PAX4: variants seen among roughly 807,000 people sequenced by gnomAD.
The protein encoded by PAX4 is paired box protein Pax-4.
PAX4 carries 33 observed loss-of-function variants against 40.6 expected under a neutral mutation model. That is an observed-to-expected ratio of 0.81 (90% confidence interval 0.62 to 1.09). The LOEUF is 1.09. Ranked by LOEUF, PAX4 falls within the 50% of genes least tolerant of loss-of-function variation. The probability of loss-of-function intolerance (pLI) is 0.00; values close to 1 mark genes in which losing one functional copy is unlikely to be tolerated. For missense variants in PAX4, 459 were observed against 442.5 expected (o/e 1.04, Z -0.33); for synonymous variants, 174 against 170.6 (o/e 1.02, Z -0.16).
intron 4 of PAX4, 48 bp from the exon 5 acceptor site, chr7:127,615,143 G>C: frequency 6.2e-7 from 1 of 1,613,672 alleles, no homozygotes; most frequent in African/African-American, 1.3e-5. Context: ...TGGGCAGAAG[G>C]AAGGAGAGTG....
chr7:127,616,170 C>T, intron 2 of PAX4, 143 bp from the exon 3 acceptor site: 1 of 565,378 alleles, frequency 1.8e-6, no homozygotes, highest in Non-Finnish European at 3.1e-6. Context: ...TTTATTTAAA[C>T]CTTTGTGTGA....
In PAX4 at chr7:127,611,407, CAA is replaced by C. The variant is rs1287111219; in HGVS notation, c.913+126_913+127del. On this transcript the variant is annotated intron_variant, in intron 11 of 11. Transcript: ENST00000639438. Reference sequence around the variant, plus strand: ...AGTCTCCGTAATTTTGTGGACCATGCAAAGAATGAGGAAAGCTGTATTGAGAT... The same window carrying C: ...AGTCTCCGTAATTTTGTGGACCATGCAGAATGAGGAAAGCTGTATTGAGAT... The C allele has an allele frequency of 2.6e-6, 4 of 1,568,420 alleles. No individual in the cohort carries two copies. In the African/African-American group the frequency reaches 5.4e-5, roughly 21 times the overall value.
At chr7:127,617,823 GA>G in intron 1 of PAX4, 138 bp downstream of exon 1, 1 of 152,434 alleles carries the variant, frequency 6.6e-6, no homozygotes, top group Non-Finnish European at 1.5e-5. Flanking sequence ...TTGCAAGATG[GA>G]AAAACAGGAA....
intron 5 of PAX4, 147 bp downstream of exon 5, chr7:127,614,733 C>T: frequency 1.6e-6 from 2 of 1,273,550 alleles, no homozygotes; most frequent in South Asian, 2.6e-5. Flanking sequence ...ATTACCACCA[C>T]TTTTCAAAAG....
intron 11 of PAX4, among the ~76,000 whole-genome samples, 159 bp downstream of exon 11, chr7:127,611,376 G>T (rs577335273): frequency 6.6e-6 from 1 of 152,184 alleles, no homozygotes; most frequent in Non-Finnish European, 1.5e-5. Flanking sequence ...AGACTCAGGG[G>T]TTACTAGTCT....
At position 127,615,026 on chromosome 7, in the gene PAX4, T is replaced by C. The variant is rs762979771; in HGVS notation, c.214A>G (p.Ile72Val). Residue 72 changes from isoleucine to valine, a missense_variant, in exon 5 of 12, where the codon ATT (isoleucine) becomes GTT (valine). Coordinates refer to ENST00000639438, the MANE Select transcript of PAX4 (RefSeq NM_001366110.1). ...YRTGVLEPKG[I>V]GGSKPRLATP... ...GCCAGCCGTGGCTTGCTTCCCCCAA[T>C]GCCCTTTGGCTCCAAGACACCTGTG... is the stretch of plus-strand genomic sequence containing the variant. The C allele has an allele frequency of 3.1e-6, 5 of 1,614,106 alleles. No individual in the cohort carries two copies. The African/African-American group carries it at 4.0e-5, about 13-fold the overall frequency.
intron 3 of PAX4, 146 bp from the exon 4 acceptor site, chr7:127,615,677 T>G: frequency 6.5e-7 from 1 of 1,545,760 alleles, no homozygotes; most frequent in Non-Finnish European, 8.7e-7. Context: ...GCCCCCAGGC[T>G]GTCAACGCAA....
At position 127,614,887 on chromosome 7, in the gene PAX4, G is replaced by A. The variant is rs1334248939; in HGVS notation, c.353C>T (p.Thr118Ile). The A allele has an allele frequency of 1.2e-6, 2 of 1,614,074 alleles. No homozygotes were observed. Among genetic ancestry groups the A allele is most frequent in the Non-Finnish European group, 1.7e-6 (2 of 1,179,980 alleles). ...GGAGGGAAGGGTACTTACACTGGGAGTCTTGTCCTGGGTGCAAAGCCCTTC... is the reference window on the plus strand; with the variant it reads ...GGAGGGAAGGGTACTTACACTGGGAATCTTGTCCTGGGTGCAAAGCCCTTC... The part of the protein sequence containing the change: ...CAEGLCTQDK[T>I]PSVSSINRVL... The change falls in exon 5 of 12, where the codon ACT becomes ATT. Residue 118 changes from threonine (T) to isoleucine (I), a missense_variant. Thr to Ile is a moderately conservative substitution (Grantham distance 89). Coordinates refer to ENST00000639438, the MANE Select transcript of PAX4 (RefSeq NM_001366110.1).
At position 127,611,188 on chromosome 7, in the gene PAX4, G is replaced by A. The variant is rs142426878; in HGVS notation, c.932C>T (p.Pro311Leu). 6.9e-4 allele frequency: 1,113 copies of A among 1,601,548 alleles called. No homozygotes were observed. The highest frequency in any genetic ancestry group is 8.9e-4 in the Non-Finnish European group (1,050 of 1,174,382). Residue 311 changes from proline (P) to leucine (L), a missense_variant, in exon 12 of 12, where the codon CCG (proline) becomes CTG (leucine). Physicochemically the swap from Pro to Leu is moderately conservative, Grantham distance 98. Transcript: ENST00000639438. ...KPCWGHLPPQ[P>L]NSLDSGLLCL... Reference sequence around the variant, plus strand: ...AAGCAGTCCTGAGTCCAGGGAATTCGGCTGTGGGGGCAAGTGGCCTGTGGG... The same window carrying A: ...AAGCAGTCCTGAGTCCAGGGAATTCAGCTGTGGGGGCAAGTGGCCTGTGGG...
rs382443 is a variant in PAX4, at chr7:127,612,467, G to A, written c.716-467C>T. 6.3e-3 allele frequency among the ~76,000 whole-genome samples: 901 copies of A among 141,982 alleles called. 6 individuals carry two copies. Among genetic ancestry groups the A allele is most frequent in the African/African-American group, 0.022 (813 of 36,258 alleles). The allele number at this position is 141,982 out of a possible 152,430, so 93.1% of individuals were successfully genotyped here. On this transcript the variant is annotated intron_variant, in intron 9 of 11. Coordinates refer to ENST00000639438, the MANE Select transcript of PAX4 (RefSeq NM_001366110.1). ...CATGGATGGATGCATGAATGAATGG[G>A]TGGATGGATGGATGGATGGATGGAT...
intron 9 of PAX4, 142 bp downstream of exon 9, chr7:127,612,880 G>T: frequency 1.4e-6 from 1 of 697,812 alleles, no homozygotes; most frequent in Non-Finnish European, 2.6e-6. Context: ...ATAGATGAAT[G>T]GATGAATGGA....
Position 127,610,735 on chromosome 7 carries a change from T to C in PAX4, c.*329A>G. On this transcript the variant is annotated 3_prime_UTR_variant, in exon 12 of 12. Coordinates refer to ENST00000639438, the MANE Select transcript of PAX4 (RefSeq NM_001366110.1). ...TAAATAAATGATAGGGCAAATTGTC[T>C]ATAATTGTTGAATATTAGAGTGGGC... 1.4e-6 allele frequency: 1 copy of C among 725,122 alleles called. No homozygotes were observed. Among genetic ancestry groups the C allele is most frequent in the Non-Finnish European group, 2.3e-6 (1 of 435,626 alleles). The allele number at this position is 725,122 out of a possible 1,614,324, so 44.9% of individuals were successfully genotyped here. A position where few individuals can be genotyped will look rare whatever the true frequency, so the allele number is the denominator to read the frequency against.
intron 9 of PAX4, among the ~76,000 whole-genome samples, chr7:127,612,312 T>C (rs1338568752): frequency 6.6e-6 from 1 of 152,054 alleles, no homozygotes; most frequent in African/African-American, 2.4e-5. Context: ...AAATATTGGA[T>C]GGATGGGTGG....
In PAX4 at chr7:127,613,579, A is replaced by C. The variant is rs767217005; in HGVS notation, c.563-47T>G. 11 of 1,599,264 alleles carry C rather than the reference A, an allele frequency of 6.9e-6. No homozygotes were observed. In the South Asian group the frequency reaches 9.9e-5, roughly 14 times the overall value. On this transcript the variant is annotated intron_variant, in intron 7 of 11. Transcript: ENST00000639438. The stretch of plus-strand genomic sequence containing the variant: ...AAGTAAGGGCACCGGGAGAGGAGCA[A>C]GGCATGGGTCTCCCCTTAGGCAACA...
At position 127,610,919 on chromosome 7, in the gene PAX4, T is replaced by C; in HGVS notation, c.*145A>G. 2.6e-6 allele frequency: 4 copies of C among 1,547,052 alleles called. No individual in the cohort carries two copies. Among genetic ancestry groups the C allele is most frequent in the Non-Finnish European group, 2.6e-6 (3 of 1,146,950 alleles). On this transcript the variant is annotated 3_prime_UTR_variant, in exon 12 of 12. Transcript: ENST00000639438. ...AATCAGGTGATGCGCCAGAGAGGCA[T>C]CGAGGCAGGGCCAGGCAACGTCCAC... is the stretch of plus-strand genomic sequence containing the variant.
In PAX4 at chr7:127,615,090, A is replaced by G; in HGVS notation, c.150T>C (p.Ser50=). The change falls in exon 5 of 12, where the codon TCT becomes TCC. Residue 50 remains serine, a synonymous_variant. Coordinates refer to ENST00000639438, the MANE Select transcript of PAX4 (RefSeq NM_001366110.1). ...PCDISRILKV[S]NGCVSKILGR... is the part of the protein sequence containing the mutation. ...CTAGGATCTTGCTCACACAGCCATT[A>G]GATACCTGAGTCAGGTGAGAAGCAG... is the stretch of plus-strand genomic sequence containing the variant. 6.2e-7 allele frequency: 1 copy of G among 1,614,186 alleles called. No homozygotes were observed. Among genetic ancestry groups the G allele is most frequent in the Non-Finnish European group, 8.5e-7 (1 of 1,180,030 alleles).
At position 127,610,546 on chromosome 7, in the gene PAX4, AGTGTGTGT is replaced by A. The variant is rs36159526; in HGVS notation, c.*510_*517del. On this transcript the variant is annotated 3_prime_UTR_variant, in exon 12 of 12. Transcript: ENST00000639438. ...GAATAAAATGCCATGATATAATGTCAGTGTGTGTGTGTGTGTGTGTGTGTGCGCGCACG... is the reference window on the plus strand; with the variant it reads ...GAATAAAATGCCATGATATAATGTCAGTGTGTGTGTGTGTGTGCGCGCACG... 9.8e-6 allele frequency: 2 copies of A among 204,464 alleles called. No individual in the cohort carries two copies. Among genetic ancestry groups the A allele is most frequent in the East Asian group, 9.0e-5 (1 of 11,088 alleles). The allele number at this position is 204,464 out of a possible 1,614,324, so 12.7% of individuals were successfully genotyped here. A position where few individuals can be genotyped will look rare whatever the true frequency, so the allele number is the denominator to read the frequency against.
At chr7:127,613,233 C>T (rs1794665491) in intron 8 of PAX4, 142 bp from the exon 9 acceptor site, 14 of 862,192 alleles carry the variant, frequency 1.6e-5, no homozygotes, top group South Asian at 5.6e-5. Context: ...CTAGCTTTTG[C>T]TCTCTGGCCC....
At chr7:127,615,842 T>G in intron 3 of PAX4, 74 bp downstream of exon 3, 1 of 1,534,150 alleles carries the variant, frequency 6.5e-7, no homozygotes, top group Non-Finnish European at 8.7e-7. Context: ...AAACAGTTGA[T>G]GGAAGCAAAG....
Sources: gnomAD v4.1 joint callset for allele counts (sites outside exome capture counted in the v4.1 genomes callset) on GRCh38, gnomAD v4.1.1 for gene constraint, MANE v1.5 for transcripts, NCBI Gene and HGNC (gene_info 2026-07-23, HGNC 2026-07-21) for gene names.